The following FLI1 variants were observed in gnomAD, a reference collection of about 807,000 sequenced individuals.
FLI1 encodes Friend leukemia integration 1 transcription factor.
Under a neutral mutation model 53.1 loss-of-function variants are expected in FLI1, and 13 were observed. That is an observed-to-expected ratio of 0.24 (90% confidence interval 0.16 to 0.39). The LOEUF is 0.39. FLI1 is among the 10% of genes least tolerant of loss of function. The pLI, the probability that FLI1 is intolerant of heterozygous loss-of-function variation, is 1.00. For synonymous variants in FLI1, 244 were observed against 236.7 expected (o/e 1.03, Z -0.28); for missense variants, 424 against 600.5 (o/e 0.71, Z 3.07).
At chr11:128,692,613 G>A (rs1937797446), upstream of FLI1, 1 of 152,172 alleles carries the variant, frequency 6.6e-6, no homozygotes, top group African/African-American at 2.4e-5. Flanking sequence ...GTGAGCTCTC[G>A]GGCTCAATTG....
chr11:128,722,333 T>C (rs528510363), intron 1 of FLI1, among the ~76,000 whole-genome samples: 1 of 152,268 alleles, frequency 6.6e-6, no homozygotes, highest in African/African-American at 2.4e-5. Context: ...CAAGGGATGC[T>C]TCTCGGAGAA....
chr11:128,708,449 G>A (rs1397703155), intron 1 of FLI1, among the ~76,000 whole-genome samples: 1 of 152,188 alleles, frequency 6.6e-6, no homozygotes, highest in African/African-American at 2.4e-5. Flanking sequence ...GCTCCCCTGA[G>A]AGAGTTTTAT....
At position 128,812,154 on chromosome 11, in the gene FLI1, A is replaced by T. The variant is rs1942953394; in HGVS notation, c.*1166A>T. 4.6e-6 allele frequency: 1 copy of T among 216,640 alleles called. No homozygotes were observed. The highest frequency in any genetic ancestry group is 6.9e-5 in the East Asian group (1 of 14,486). 13.4% of individuals were successfully genotyped at this position (216,640 alleles called of 1,614,324 possible). ...AGGCATACACAAGCAGGGAAAAGAT[A>T]ATCCATTTAGATCTTTAATGCTTTG... On this transcript the variant is annotated 3_prime_UTR_variant, in exon 9 of 9. Transcript: ENST00000527786.
intron 1 of FLI1, among the ~76,000 whole-genome samples, chr11:128,727,683 GTT>G (rs1939538265): frequency 6.6e-6 from 1 of 152,192 alleles, no homozygotes; most frequent in African/African-American, 2.4e-5. Flanking sequence ...GGCTCTCCAG[GTT>G]TGTGTAATTT....
upstream of FLI1, chr11:128,693,682 G>A: frequency 4.3e-6 from 1 of 232,814 alleles, no homozygotes; most frequent in Non-Finnish European, 8.5e-6. Flanking sequence ...TTGGGGGAAG[G>A]TGATGGGGGG....
chr11:128,743,677 C>T (rs1940242042), intron 1 of FLI1, among the ~76,000 whole-genome samples: 2 of 152,162 alleles, frequency 1.3e-5, no homozygotes, highest in Admixed American at 1.3e-4. Context: ...CAGAAGCTTC[C>T]AAGAATAGAA....
At position 128,810,187 on chromosome 11, in the gene FLI1, G is replaced by A. The variant is rs1942901951; in HGVS notation, c.830-272G>A. ...CCCAAGATCACACAGCTAGTTCTGG[G>A]CAGAGTTTGCACCTCACTTCCCACA... On this transcript the variant is annotated intron_variant, in intron 8 of 8. Transcript: ENST00000527786. This position sits in a 1 kb window ranked among gnomAD's most constrained non-coding sequence, Gnocchi z 6.6. Among the ~76,000 whole-genome samples the A allele has an allele frequency of 6.6e-6, 1 of 151,940 alleles. No homozygotes were observed. Among genetic ancestry groups the A allele is most frequent in the Non-Finnish European group, 1.5e-5 (1 of 68,008 alleles).
At chr11:128,743,373 T>TCAG (rs1940223170) in intron 1 of FLI1, among the ~76,000 whole-genome samples, 1 of 148,260 alleles carries the variant, frequency 6.7e-6, no homozygotes, top group South Asian at 2.1e-4. Flanking sequence ...CCACTGCACT[T>TCAG]CAGCCTGGGC....
chr11:128,747,817 A>G (rs542556125), intron 1 of FLI1, among the ~76,000 whole-genome samples: 3 of 152,358 alleles, frequency 2.0e-5, no homozygotes, highest in Non-Finnish European at 2.9e-5. Flanking sequence ...AAAGAAACAG[A>G]AAGTAAAACA....
chr11:128,725,794 T>C (rs936528806), intron 1 of FLI1, among the ~76,000 whole-genome samples: 1 of 151,920 alleles, frequency 6.6e-6, no homozygotes, highest in African/African-American at 2.4e-5. Flanking sequence ...GTGAAAACTG[T>C]GTGCCAGTCT....
At chr11:128,758,646 G>A (rs1219497309) in intron 2 of FLI1, among the ~76,000 whole-genome samples, 1 of 152,180 alleles carries the variant, frequency 6.6e-6, no homozygotes, top group African/African-American at 2.4e-5. Flanking sequence ...CAGTCCTGTT[G>A]GGGACAGCTT....
chr11:128,690,306 T>G (rs560733689), upstream of FLI1, among the ~76,000 whole-genome samples: 55 of 150,884 alleles, frequency 3.6e-4, no homozygotes, highest in East Asian at 0.011. Flanking sequence ...CAGAGGGGCA[T>G]GGGAGGGGAG....
At position 128,805,418 on chromosome 11, in the gene FLI1, T is replaced by G; in HGVS notation, c.708T>G (p.Ser236=). 1 of 1,578,574 alleles carries G rather than the reference T, an allele frequency of 6.3e-7. No individual in the cohort carries two copies. The highest frequency in any genetic ancestry group is 1.2e-5 in the South Asian group (1 of 86,618). Residue 236 remains serine (S), a synonymous_variant, in exon 6 of 9, where the codon TCT becomes TCG. Coordinates refer to ENST00000527786, the MANE Select transcript of FLI1 (RefSeq NM_002017.5). ...RRGAWGNNMN[S]GLNKSPPLGG... is the part of the protein sequence containing the mutation. ...GAGCTTGGGGCAATAACATGAATTC[T>G]GGCCTCAACAAAAGTAAGTAAATGT...
chr11:128,808,202 G>T (rs1400346749), intron 7 of FLI1, among the ~76,000 whole-genome samples: 1 of 152,202 alleles, frequency 6.6e-6, no homozygotes, highest in Admixed American at 6.5e-5. Flanking sequence ...TGATGTGGAT[G>T]AGAAAAGATG....
intron 5 of FLI1, among the ~76,000 whole-genome samples, chr11:128,799,588 C>T (rs527971641): frequency 4.6e-5 from 7 of 152,256 alleles, no homozygotes; most frequent in South Asian, 2.1e-4. Flanking sequence ...TTAACTGATT[C>T]GAAGTCCTAT....
intron 2 of FLI1, among the ~76,000 whole-genome samples, 156 bp from the exon 3 acceptor site, chr11:128,767,962 G>A (rs960476408): frequency 1.3e-5 from 2 of 152,212 alleles, no homozygotes; most frequent in African/African-American, 4.8e-5. Flanking sequence ...GCAGCATGGA[G>A]GATAGAAAGA....
intron 1 of FLI1, among the ~76,000 whole-genome samples, chr11:128,727,010 C>T (rs900939813): frequency 4.0e-5 from 6 of 151,856 alleles, no homozygotes; most frequent in African/African-American, 1.5e-4. Flanking sequence ...TGCATGGTGG[C>T]CCTGGGAGCT....
intron 1 of FLI1, among the ~76,000 whole-genome samples, chr11:128,728,009 A>G (rs955851807): frequency 6.6e-6 from 1 of 152,248 alleles, no homozygotes; most frequent in Non-Finnish European, 1.5e-5. Flanking sequence ...GGCCAGTTCC[A>G]TACTGACTAG....
At chr11:128,782,691 C>G (rs570259060) in intron 5 of FLI1, among the ~76,000 whole-genome samples, 1 of 152,282 alleles carries the variant, frequency 6.6e-6, no homozygotes, top group East Asian at 1.9e-4. Flanking sequence ...GAGCAAGACT[C>G]TGTCTCAAAA....
Sources: allele counts gnomAD v4.1 joint callset (sites outside exome capture counted in the v4.1 genomes callset), GRCh38; gene constraint gnomAD v4.1.1; non-coding constraint Gnocchi (gnomAD v3.1); transcripts MANE v1.5; gene names NCBI Gene and HGNC (gene_info 2026-07-23, HGNC 2026-07-21).